The following CPQ variants were observed in gnomAD, a reference collection of about 807,000 sequenced individuals.
The protein encoded by CPQ is carboxypeptidase Q.
In CPQ, 37 loss-of-function variants were observed where a neutral mutation model predicts 45.7. The observed-to-expected ratio is 0.81, with a 90% CI of 0.62 to 1.07. CPQ has a LOEUF of 1.07. Among genes scored for constraint, CPQ ranks in the 50% least tolerant of loss-of-function variants. The probability of loss-of-function intolerance (pLI) is 0.00; values close to 1 mark genes in which losing one functional copy is unlikely to be tolerated. For missense variants in CPQ, 537 were observed against 572.9 expected, an observed-to-expected ratio of 0.94 and a Z score of 0.64; for synonymous variants, 186 against 205.8, an observed-to-expected ratio of 0.90 and a Z score of 0.82.
intron 7 of CPQ, among the ~76,000 whole-genome samples, chr8:97,090,388 C>T (rs1811107942): frequency 6.6e-6 from 1 of 152,100 alleles, no homozygotes; most frequent in Non-Finnish European, 1.5e-5. Context: ...AACAAAATAC[C>T]AATTGAAAAC....
At chr8:96,970,240 G>A (rs959967482) in intron 5 of CPQ, among the ~76,000 whole-genome samples, 8 of 152,190 alleles carry the variant, frequency 5.3e-5, no homozygotes, top group African/African-American at 1.9e-4. Flanking sequence ...GTCCTGAAAC[G>A]AATCTGGGAC....
At chr8:97,108,659 A>T (rs1341964399) in intron 7 of CPQ, among the ~76,000 whole-genome samples, 2 of 152,152 alleles carry the variant, frequency 1.3e-5, no homozygotes, top group Non-Finnish European at 2.9e-5. Context: ...CGGGGAGGGG[A>T]TGGTGAGATG....
At chr8:97,044,236 A>G (rs1409494198) in intron 6 of CPQ, among the ~76,000 whole-genome samples, 1 of 151,924 alleles carries the variant, frequency 6.6e-6, no homozygotes, top group African/African-American at 2.4e-5. Flanking sequence ...CATTCATTTC[A>G]TCTTCCATCA....
Position 96,834,979 on chromosome 8 carries a change from C to T in CPQ, c.440C>T (p.Thr147Ile). Residue 147 changes from threonine (T) to isoleucine (I), a missense_variant, in exon 3 of 8, where the codon ACA (threonine) becomes ATA (isoleucine). Coordinates refer to ENST00000220763, the MANE Select transcript of CPQ (RefSeq NM_016134.4). ...SSIGTPPEGI[T>I]AEVLVVTSFD... is the part of the protein sequence containing the mutation. ...GCATGACTTTTATTTCTAGGCATTA[C>T]AGCAGAAGTTCTGGTGGTGACCTCT... The T allele has an allele frequency of 1.2e-6, 2 of 1,611,980 alleles. No individual in the cohort carries two copies. Among genetic ancestry groups the T allele is most frequent in the Non-Finnish European group, 8.5e-7 (1 of 1,179,094 alleles).
chr8:96,744,131 C>T (rs1248237452), intron 1 of CPQ, among the ~76,000 whole-genome samples: 1 of 152,272 alleles, frequency 6.6e-6, no homozygotes, highest in South Asian at 2.1e-4. Flanking sequence ...CAGCAAGACT[C>T]TGTGGGTGTA....
At chr8:96,750,853 T>A (rs1810248543) in intron 1 of CPQ, among the ~76,000 whole-genome samples, 1 of 152,180 alleles carries the variant, frequency 6.6e-6, no homozygotes, top group Non-Finnish European at 1.5e-5. Flanking sequence ...GCTCTCATCA[T>A]TCAGCTCCCA....
At chr8:96,744,574 T>C (rs1217809895) in intron 1 of CPQ, among the ~76,000 whole-genome samples, 1 of 152,242 alleles carries the variant, frequency 6.6e-6, no homozygotes, top group Non-Finnish European at 1.5e-5. Context: ...TCTTTTTTTA[T>C]CAATAATCCT....
intron 4 of CPQ, among the ~76,000 whole-genome samples, chr8:96,894,100 A>C (rs949943001): frequency 6.6e-6 from 1 of 152,186 alleles, no homozygotes; most frequent in African/African-American, 2.4e-5. Flanking sequence ...AGGTGGTAAG[A>C]CACTGACTTC....
At chr8:96,709,635 C>A (rs930788229) in intron 1 of CPQ, among the ~76,000 whole-genome samples, 1 of 151,994 alleles carries the variant, frequency 6.6e-6, no homozygotes, top group East Asian at 1.9e-4. Context: ...TGCTGGGTAT[C>A]TACTTTACTG....
intron 1 of CPQ, among the ~76,000 whole-genome samples, chr8:96,736,536 G>A (rs1342803361): frequency 6.6e-6 from 1 of 152,092 alleles, no homozygotes; most frequent in Non-Finnish European, 1.5e-5. Flanking sequence ...AGAGCCCTTT[G>A]GTGTTTTGAG....
chr8:96,971,454 A>AGAT (rs1224115192), intron 5 of CPQ, among the ~76,000 whole-genome samples: 1 of 152,232 alleles, frequency 6.6e-6, no homozygotes, highest in Non-Finnish European at 1.5e-5. Context: ...TCATGGCCCC[A>AGAT]GATGAATCAG....
At chr8:96,798,262 T>C (rs1407018814) in intron 2 of CPQ, among the ~76,000 whole-genome samples, 2 of 151,698 alleles carry the variant, frequency 1.3e-5, no homozygotes, top group African/African-American at 4.8e-5. Flanking sequence ...CTCAAGTACC[T>C]GGGCCCACAG....
chr8:96,747,354 A>G (rs1175077788), intron 1 of CPQ, among the ~76,000 whole-genome samples: 2 of 152,044 alleles, frequency 1.3e-5, no homozygotes, highest in Non-Finnish European at 2.9e-5. Flanking sequence ...GGGCTGACCA[A>G]TGCATAGAGA....
intron 1 of CPQ, among the ~76,000 whole-genome samples, chr8:96,666,215 A>G (rs1808923057): frequency 1.3e-5 from 2 of 152,084 alleles, no homozygotes; most frequent in African/African-American, 2.4e-5. Context: ...GGCTAGGTGT[A>G]TGAGGATTTG....
rs548787482 is a variant in CPQ at position 96,981,161 on chromosome 8, ATCTT to A, written c.961+15119_961+15122del. 5.0e-4 allele frequency among the ~76,000 whole-genome samples: 76 copies of A among 152,250 alleles called. 2 individuals carry two copies. The South Asian group carries it at 0.016, about 32-fold the overall frequency. ...ACCCTGGGGCCTGAATTTTCAAGAAATCTTTCTGTTTTTTAATATAGTCACAACA... is the reference window on the plus strand; with the variant it reads ...ACCCTGGGGCCTGAATTTTCAAGAAATCTGTTTTTTAATATAGTCACAACA... On this transcript the variant is annotated intron_variant, in intron 5 of 7. Transcript: ENST00000220763.
intron 1 of CPQ, among the ~76,000 whole-genome samples, chr8:96,770,257 C>T (rs1480840028): frequency 1.3e-5 from 2 of 152,054 alleles, no homozygotes; most frequent in Non-Finnish European, 2.9e-5. Flanking sequence ...ACTTTCTCAT[C>T]CAGAGCTCCT....
chr8:97,133,354 A>G (rs1425716670), intron 7 of CPQ: 1 of 152,240 alleles, frequency 6.6e-6, no homozygotes, highest in Non-Finnish European at 1.5e-5. Context: ...CAGTTTGTTC[A>G]GTGCTCTTAA....
chr8:96,761,055 A>G (rs531450330), intron 1 of CPQ: 1 of 152,332 alleles, frequency 6.6e-6, no homozygotes, highest in African/African-American at 2.4e-5. Flanking sequence ...TTCATAGGGA[A>G]TAAGCATCTG....
At chr8:96,871,724 A>C (rs1394787202) in intron 3 of CPQ, among the ~76,000 whole-genome samples, 1 of 151,662 alleles carries the variant, frequency 6.6e-6, no homozygotes, top group African/African-American at 2.4e-5. Context: ...TCCTGTGTGT[A>C]CTGTGTTCAG....
Sources: allele counts gnomAD v4.1 joint callset (sites outside exome capture counted in the v4.1 genomes callset), GRCh38; gene constraint gnomAD v4.1.1; transcripts MANE v1.5; gene names NCBI Gene and HGNC (gene_info 2026-07-23, HGNC 2026-07-21).